LDLRAD3: variants seen among roughly 807,000 people sequenced by gnomAD.
LDLRAD3 encodes low-density lipoprotein receptor class A domain-containing protein 3.
A neutral mutation model predicts 29.4 loss-of-function variants in LDLRAD3; 20 were observed. The ratio of observed to expected loss-of-function variants is 0.68; its 90% CI spans 0.48 to 0.99. The LOEUF (loss-of-function observed/expected upper bound fraction) is 0.99. Ranked by LOEUF, LDLRAD3 falls within the 50% of genes least tolerant of loss-of-function variation. The pLI, the probability that LDLRAD3 is intolerant of heterozygous loss-of-function variation, is 0.00. For missense variants in LDLRAD3, 420 were observed against 454.3 expected, an observed-to-expected ratio of 0.92 and a Z score of 0.69; for synonymous variants, 157 against 192.7, an observed-to-expected ratio of 0.81 and a Z score of 1.53.
chr11:35,997,211 A>G (rs1851766470), intron 1 of LDLRAD3: 3 of 283,902 alleles, frequency 1.1e-5, no homozygotes, highest in Admixed American at 4.7e-5. Context: ...TGGGGATTCT[A>G]CCTGCACCAC....
chr11:36,227,148 C>T lies in LDLRAD3; in HGVS notation c.518C>T (p.Thr173Ile), dbSNP rs1855510336. The T allele has an allele frequency of 6.2e-7, 1 of 1,614,016 alleles. No individual in the cohort carries two copies. The highest frequency in any genetic ancestry group is 1.1e-5 in the South Asian group (1 of 91,024). ...CAACTTGTGTATTACCCCAGCATCA[C>T]CTATGCCATCATCGGCAGCTCCGTC... Reference protein sequence around the residue: ...ENQLVYYPSITYAIIGSSVIF... With the variant: ...ENQLVYYPSIIYAIIGSSVIF... Residue 173 changes from threonine to isoleucine, a missense_variant, in exon 5 of 6, where the codon ACC (threonine) becomes ATC (isoleucine). This residue lies in a region of LDLRAD3 where 56 missense variants were observed against 92.2 expected (regional missense o/e 0.61). Transcript: ENST00000315571.
At chr11:36,205,063 G>A (rs1312063620) in intron 4 of LDLRAD3, among the ~76,000 whole-genome samples, 1 of 152,134 alleles carries the variant, frequency 6.6e-6, no homozygotes, top group African/African-American at 2.4e-5. Context: ...GAAACTAAGA[G>A]GAAACTAAGA....
intron 4 of LDLRAD3, among the ~76,000 whole-genome samples, chr11:36,109,352 A>T (rs1853575336): frequency 6.6e-6 from 1 of 151,578 alleles, no homozygotes. Flanking sequence ...AGCCACGGAT[A>T]AGACACGTGA....
At chr11:36,176,802 T>C (rs1367310091) in intron 4 of LDLRAD3, among the ~76,000 whole-genome samples, 1 of 152,228 alleles carries the variant, frequency 6.6e-6, no homozygotes, top group East Asian at 1.9e-4. Context: ...GGTGATTATC[T>C]TTTTGTGATG....
chr11:36,146,011 G>A (rs56091460), intron 4 of LDLRAD3, among the ~76,000 whole-genome samples: 68,757 of 143,374 alleles, frequency 0.48, 17,441 homozygotes, highest in African/African-American at 0.64. Flanking sequence ...ATAAAAAAAA[G>A]AAAAAAAAAA....
At chr11:36,152,521 C>T (rs1032357417) in intron 4 of LDLRAD3, among the ~76,000 whole-genome samples, 1 of 152,110 alleles carries the variant, frequency 6.6e-6, no homozygotes, top group Non-Finnish European at 1.5e-5. Context: ...ATCACCCAGC[C>T]CCTACCCGTG....
chr11:36,026,168 T>C (rs1590213221), intron 1 of LDLRAD3, among the ~76,000 whole-genome samples: 1 of 152,218 alleles, frequency 6.6e-6, no homozygotes, highest in Non-Finnish European at 1.5e-5. Context: ...GTAGGTGATA[T>C]TCTGCAGTTC....
At chr11:36,093,253 C>A (rs934120501) in intron 3 of LDLRAD3, among the ~76,000 whole-genome samples, 2 of 152,162 alleles carry the variant, frequency 1.3e-5, no homozygotes, top group Non-Finnish European at 2.9e-5. Context: ...CACCTGCATT[C>A]CCAACATCCA....
intron 1 of LDLRAD3, among the ~76,000 whole-genome samples, chr11:36,005,858 GGA>G (rs1263462807): frequency 1.3e-5 from 2 of 152,084 alleles, no homozygotes; most frequent in Non-Finnish European, 2.9e-5. Context: ...CATGGTGGCA[GGA>G]GAGAGAGAGC....
At chr11:36,011,291 G>A (rs1851952434) in intron 1 of LDLRAD3, among the ~76,000 whole-genome samples, 2 of 152,314 alleles carry the variant, frequency 1.3e-5, no homozygotes, top group Admixed American at 1.3e-4. Context: ...TATAGTAGGT[G>A]TCTAATGCTT....
intron 2 of LDLRAD3, among the ~76,000 whole-genome samples, chr11:36,040,594 T>C (rs753080909): frequency 2.0e-5 from 3 of 152,232 alleles, no homozygotes; most frequent in Non-Finnish European, 2.9e-5. Flanking sequence ...GCATTTCTCT[T>C]CTTTCCAGTT....
At chr11:36,078,767 T>A (rs190274960) in intron 2 of LDLRAD3, among the ~76,000 whole-genome samples, 1 of 152,280 alleles carries the variant, frequency 6.6e-6, no homozygotes, top group East Asian at 1.9e-4. Flanking sequence ...TGCCTGCCTC[T>A]CCATGACCGA....
chr11:36,082,942 A>G (rs1853138073), intron 3 of LDLRAD3, among the ~76,000 whole-genome samples: 1 of 152,112 alleles, frequency 6.6e-6, no homozygotes, highest in Admixed American at 6.5e-5. Context: ...TGTTTAGACT[A>G]CTTGAGCATT....
chr11:36,024,316 TTATATC>T (rs1046896108), intron 1 of LDLRAD3, among the ~76,000 whole-genome samples: 5 of 138,838 alleles, frequency 3.6e-5, no homozygotes, highest in African/African-American at 1.3e-4. Flanking sequence ...TATATATGTT[TTATATC>T]TATATCTATA....
chr11:36,196,244 A>C (rs1428478009), intron 4 of LDLRAD3: 1 of 151,986 alleles, frequency 6.6e-6, no homozygotes, highest in African/African-American at 2.4e-5. Context: ...ACTCTAAGAC[A>C]CAAGGGAGTT....
intron 2 of LDLRAD3, among the ~76,000 whole-genome samples, chr11:36,063,342 G>A (rs1005408552): frequency 1.3e-5 from 2 of 152,136 alleles, no homozygotes; most frequent in Admixed American, 1.3e-4. Flanking sequence ...AATTTATTGC[G>A]ACTATCTAAT....
intron 1 of LDLRAD3, among the ~76,000 whole-genome samples, chr11:35,951,285 A>G (rs771473237): frequency 2.6e-5 from 4 of 152,186 alleles, no homozygotes; most frequent in Non-Finnish European, 5.9e-5. Context: ...ATAATTATAT[A>G]CAGGTACACA....
At chr11:36,000,581 T>C (rs1458950463) in intron 1 of LDLRAD3, among the ~76,000 whole-genome samples, 3 of 152,184 alleles carry the variant, frequency 2.0e-5, no homozygotes, top group African/African-American at 7.2e-5. Flanking sequence ...TAACTATATT[T>C]CTTTATATGT....
intron 4 of LDLRAD3, among the ~76,000 whole-genome samples, chr11:36,158,569 A>G (rs1419173154): frequency 7.4e-6 from 1 of 134,950 alleles, no homozygotes. Context: ...ATCTTCTCCC[A>G]AACAATATAC....
Sources: gnomAD v4.1 joint callset for allele counts (sites outside exome capture counted in the v4.1 genomes callset) on GRCh38, gnomAD v4.1.1 for gene constraint, gnomAD v4.1.1 regional missense constraint, MANE v1.5 for transcripts, NCBI Gene and HGNC (gene_info 2026-07-23, HGNC 2026-07-21) for gene names.